GPHN: variants seen among roughly 807,000 people sequenced by gnomAD.
GPHN encodes gephyrin.
GPHN carries 17 observed loss-of-function variants against 95.5 expected under a neutral mutation model. That is an observed-to-expected ratio of 0.18 (90% confidence interval 0.12 to 0.27). GPHN has a LOEUF of 0.27. Ranked by LOEUF, GPHN falls within the 10% of genes least tolerant of loss-of-function variation. GPHN has a pLI of 1.00. For synonymous variants in GPHN, 320 were observed against 322.5 expected (o/e 0.99, Z 0.08); for missense variants, 660 against 978.1 (o/e 0.67, Z 4.34).
the GPHN span, chr14:67,574,028 A>T: frequency 1.4e-6 from 1 of 711,876 alleles, no homozygotes; most frequent in East Asian, 2.7e-5. This position sits in a 1 kb window ranked among gnomAD's most constrained non-coding sequence, Gnocchi z 4.2. Flanking sequence ...CTAACTTGTG[A>T]GTACAAGAAA....
At chr14:67,176,137 G>T (rs1045552614) in intron 21 of GPHN, among the ~76,000 whole-genome samples, 3 of 152,128 alleles carry the variant, frequency 2.0e-5, no homozygotes, top group African/African-American at 7.2e-5. Flanking sequence ...GTGAGAGAGG[G>T]CATCCTTGTC....
At chr14:66,519,939 G>T (rs370500505) in intron 1 of GPHN, among the ~76,000 whole-genome samples, 5 of 152,240 alleles carry the variant, frequency 3.3e-5, no homozygotes, top group African/African-American at 9.6e-5. Flanking sequence ...TGCAGTAAAT[G>T]AACAGGCTGC....
the GPHN span, among the ~76,000 whole-genome samples, chr14:67,507,976 T>G: frequency 6.6e-6 from 1 of 151,912 alleles, no homozygotes; most frequent in African/African-American, 2.4e-5. Context: ...CTGTCTCTAC[T>G]AAAAATACAA....
intron 7 of GPHN, 61 bp downstream of exon 7, chr14:66,922,999 A>C: frequency 7.0e-7 from 1 of 1,426,602 alleles, no homozygotes; most frequent in Non-Finnish European, 9.6e-7. Flanking sequence ...TACTGGTTTC[A>C]TCTGTTTTGC....
the GPHN span, chr14:67,198,212 T>C: frequency 6.2e-7 from 1 of 1,613,912 alleles, no homozygotes; most frequent in Non-Finnish European, 8.5e-7. Context: ...AGCAAGATGC[T>C]CTCTGCACCC....
chr14:67,587,079 A>G, the GPHN span: 34 of 1,602,608 alleles, frequency 2.1e-5, no homozygotes, highest in South Asian at 3.5e-4. Context: ...CTTAGATTGC[A>G]GAAGCTACCT....
the GPHN span, chr14:67,359,892 G>A: frequency 3.1e-6 from 2 of 641,342 alleles, no homozygotes; most frequent in Admixed American, 2.8e-5. Flanking sequence ...GAAGGGGGAG[G>A]ACAGAACAGA....
chr14:67,201,282 A>G, the GPHN span: 6 of 348,276 alleles, frequency 1.7e-5, no homozygotes, highest in Non-Finnish European at 2.8e-5. Context: ...TGATAAGACA[A>G]GACTTTGTCT....
chr14:66,746,754 G>A (rs2153444901), intron 2 of GPHN, among the ~76,000 whole-genome samples: 1 of 152,210 alleles, frequency 6.6e-6, no homozygotes, highest in African/African-American at 2.4e-5. Context: ...CTGGTGATAA[G>A]ATGCCACCAA....
At chr14:67,509,165 T>C in the GPHN span, among the ~76,000 whole-genome samples, 6 of 152,300 alleles carry the variant, frequency 3.9e-5, no homozygotes, top group Non-Finnish European at 8.8e-5. Context: ...GCAGAAAGCG[T>C]GTTCCCTTTA....
intron 1 of GPHN, among the ~76,000 whole-genome samples, chr14:66,547,452 A>G (rs1007966267): frequency 3.1e-4 from 47 of 152,228 alleles, no homozygotes; most frequent in African/African-American, 1.1e-3. Context: ...TGGTATTGTC[A>G]TATGACGCAT....
chr14:66,565,686 T>A (rs2060434874), intron 1 of GPHN, among the ~76,000 whole-genome samples: 2 of 152,218 alleles, frequency 1.3e-5, no homozygotes, highest in Middle Eastern at 3.2e-3. Context: ...TATAAAGTGA[T>A]AATGATTATT....
the GPHN span, among the ~76,000 whole-genome samples, chr14:67,730,507 C>A: frequency 1.3e-5 from 2 of 152,168 alleles, no homozygotes; most frequent in African/African-American, 4.8e-5. Flanking sequence ...CAGAGTATTT[C>A]GGGTTTTAGA....
Position 67,049,485 on chromosome 14 carries a change from G to C in GPHN, c.1007-9164G>C, listed in dbSNP as rs557922718. Among the ~76,000 whole-genome samples the C allele has an allele frequency of 2.7e-5, 4 of 149,868 alleles. No homozygotes were observed. The South Asian group carries it at 8.4e-4, about 32-fold the overall frequency. ...AGACAGTAAGAGGTGCTTTGGGTTT[G>C]TAATTTACAAAATAAGAGAAGTCTG... On this transcript the variant is annotated intron_variant, in intron 10 of 22. Transcript: ENST00000478722.
chr14:66,941,836 G>A (rs901661803), intron 8 of GPHN, among the ~76,000 whole-genome samples: 5 of 152,218 alleles, frequency 3.3e-5, no homozygotes, highest in Middle Eastern at 3.4e-3. Context: ...AGAAACACAC[G>A]TTCTCCAAAT....
chr14:67,134,368 C>T (rs754474577), intron 17 of GPHN, among the ~76,000 whole-genome samples: 6 of 152,190 alleles, frequency 3.9e-5, no homozygotes, highest in Admixed American at 1.3e-4. Context: ...AGTTGGCTTC[C>T]TCTTTTACAT....
intron 5 of GPHN, among the ~76,000 whole-genome samples, chr14:66,905,332 GTGTTACCT>G (rs1388555120): frequency 1.3e-5 from 2 of 151,952 alleles, no homozygotes; most frequent in African/African-American, 4.8e-5. Flanking sequence ...TTGCTTTTCT[GTGTTACCT>G]TGGAGATCAC....
At chr14:66,718,649 C>A (rs2070428235) in intron 2 of GPHN, among the ~76,000 whole-genome samples, 1 of 152,072 alleles carries the variant, frequency 6.6e-6, no homozygotes, top group African/African-American at 2.4e-5. Flanking sequence ...TAGCTAGACA[C>A]AGAGTGCTGA....
chr14:67,643,910 C>G, the GPHN span, among the ~76,000 whole-genome samples: 34 of 146,918 alleles, frequency 2.3e-4, no homozygotes, highest in Non-Finnish European at 4.2e-4. Flanking sequence ...ACGGTCACAC[C>G]CAGGTTCCCT....
Sources: gnomAD v4.1 joint callset for allele counts (sites outside exome capture counted in the v4.1 genomes callset) on GRCh38, gnomAD v4.1.1 for gene constraint, Gnocchi (gnomAD v3.1) non-coding constraint, MANE v1.5 for transcripts, NCBI Gene and HGNC (gene_info 2026-07-23, HGNC 2026-07-21) for gene names.